MVB12B: variants seen among roughly 807,000 people sequenced by gnomAD.
MVB12B encodes multivesicular body subunit 12B.
A neutral mutation model predicts 41.6 loss-of-function variants in MVB12B; 16 were observed. The ratio of observed to expected loss-of-function variants is 0.38; its 90% CI spans 0.26 to 0.58. The LOEUF (loss-of-function observed/expected upper bound fraction) is 0.58, where lower values mean the gene tolerates loss of function less well. Among genes scored for constraint, MVB12B ranks in the 20% least tolerant of loss-of-function variants. The pLI, the probability that MVB12B is intolerant of heterozygous loss-of-function variation, is 0.62. For synonymous variants in MVB12B, 133 were observed against 139.7 expected, an observed-to-expected ratio of 0.95 and a Z score of 0.34; for missense variants, 274 against 380.2, an observed-to-expected ratio of 0.72 and a Z score of 2.32.
At chr9:126,396,553 T>C in intron 6 of MVB12B, 2 of 985,496 alleles carry the variant, frequency 2.0e-6, no homozygotes, top group Non-Finnish European at 2.4e-6. Flanking sequence ...TAGGTCTTCC[T>C]GGGCCATCCA....
At chr9:126,471,258 A>G (rs530599866) in intron 7 of MVB12B, among the ~76,000 whole-genome samples, 29 of 152,222 alleles carry the variant, frequency 1.9e-4, no homozygotes, top group African/African-American at 6.5e-4. Context: ...AGTGGGCACA[A>G]TTATCCTCAT....
intron 2 of MVB12B, among the ~76,000 whole-genome samples, chr9:126,371,218 C>T (rs1830327353): frequency 6.6e-6 from 1 of 152,222 alleles, no homozygotes; most frequent in Non-Finnish European, 1.5e-5. Context: ...ATGCTGCTCT[C>T]TGCAGGCTTG....
intron 7 of MVB12B, among the ~76,000 whole-genome samples, chr9:126,433,417 G>A (rs1409840516): frequency 6.7e-6 from 1 of 148,980 alleles, no homozygotes; most frequent in African/African-American, 2.6e-5. Flanking sequence ...TGTGTCTGGG[G>A]GAGCCCTTGG....
intron 2 of MVB12B, among the ~76,000 whole-genome samples, chr9:126,363,602 G>A (rs1267074550): frequency 1.3e-5 from 2 of 152,140 alleles, no homozygotes; most frequent in Non-Finnish European, 2.9e-5. Flanking sequence ...ATTGTCCTCT[G>A]GCTCTCTGTT....
chr9:126,471,207 G>T (rs1833308186), intron 7 of MVB12B, among the ~76,000 whole-genome samples: 1 of 152,230 alleles, frequency 6.6e-6, no homozygotes, highest in Non-Finnish European at 1.5e-5. Context: ...TGGTCAGGCT[G>T]TTCTTTCCTG....
Position 126,386,402 on chromosome 9 carries a change from A to G in MVB12B, c.313-160A>G, listed in dbSNP as rs781091732. Among the ~76,000 whole-genome samples, 29 of 152,210 alleles carry G rather than the reference A, an allele frequency of 1.9e-4. No homozygotes were observed. The highest frequency in any genetic ancestry group is 3.1e-4 in the Non-Finnish European group (21 of 68,036). ...TCCCAGGGGCCACACGAGTCCCTGC[A>G]TAACCACTGGGGACCATTAAGTGTC... On this transcript the variant is annotated intron_variant, in intron 3 of 9. Transcript: ENST00000361171. This position sits in a 1 kb window ranked among gnomAD's most constrained non-coding sequence, Gnocchi z 4.3.
chr9:126,458,209 A>G (rs1004284017), intron 7 of MVB12B, among the ~76,000 whole-genome samples: 14 of 152,300 alleles, frequency 9.2e-5, no homozygotes, highest in African/African-American at 2.6e-4. Flanking sequence ...CTCGCCCACC[A>G]GGTCACACTG....
intron 2 of MVB12B, among the ~76,000 whole-genome samples, chr9:126,357,974 T>C (rs913670269): frequency 1.3e-5 from 2 of 152,198 alleles, no homozygotes; most frequent in Admixed American, 6.5e-5. Context: ...AGATCAATGA[T>C]GTATTTCAAG....
chr9:126,372,054 C>A (rs936661131), intron 2 of MVB12B, among the ~76,000 whole-genome samples: 1 of 152,236 alleles, frequency 6.6e-6, no homozygotes, highest in Non-Finnish European at 1.5e-5. Flanking sequence ...TCCTGCCCCC[C>A]AGTCCCTGGC....
At chr9:126,351,819 T>C (rs574040641) in intron 2 of MVB12B, among the ~76,000 whole-genome samples, 1 of 152,334 alleles carries the variant, frequency 6.6e-6, no homozygotes, top group African/African-American at 2.4e-5. Context: ...TAATATTAGC[T>C]GAAGGTGTTT....
At chr9:126,411,792 T>G (rs1831659894) in intron 6 of MVB12B, among the ~76,000 whole-genome samples, 1 of 152,174 alleles carries the variant, frequency 6.6e-6, no homozygotes, top group East Asian at 1.9e-4. Flanking sequence ...ATAACTGACT[T>G]TCTGTTTTAG....
chr9:126,373,626 G>C (rs1270423147), intron 2 of MVB12B, among the ~76,000 whole-genome samples: 2 of 152,198 alleles, frequency 1.3e-5, no homozygotes, highest in African/African-American at 4.8e-5. Context: ...TGTCTTTTGA[G>C]AGTTTCTCTT....
At chr9:126,474,644 C>T (rs532932574) in intron 7 of MVB12B, among the ~76,000 whole-genome samples, 29 of 152,290 alleles carry the variant, frequency 1.9e-4, no homozygotes, top group African/African-American at 6.5e-4. Flanking sequence ...AAAACATGTG[C>T]AGACATTTGA....
chr9:126,362,710 C>T (rs1227388877), intron 2 of MVB12B, among the ~76,000 whole-genome samples: 1 of 152,218 alleles, frequency 6.6e-6, no homozygotes, highest in Non-Finnish European at 1.5e-5. Flanking sequence ...TTAATTTTTA[C>T]ATCGTACAAA....
chr9:126,426,440 T>C (rs1329107367), intron 7 of MVB12B, among the ~76,000 whole-genome samples: 1 of 152,188 alleles, frequency 6.6e-6, no homozygotes, highest in Non-Finnish European at 1.5e-5. Flanking sequence ...CGGGTCATGT[T>C]GATTTCTCTA....
chr9:126,429,696 T>C (rs1413697683), intron 7 of MVB12B, among the ~76,000 whole-genome samples: 1 of 152,208 alleles, frequency 6.6e-6, no homozygotes, highest in Non-Finnish European at 1.5e-5. Context: ...AGTGCAAATA[T>C]TCATGTAGGC....
At chr9:126,413,181 A>T (rs11496601) in intron 6 of MVB12B, among the ~76,000 whole-genome samples, 77,473 of 152,210 alleles carry the variant, frequency 0.51, 20,048 homozygotes, top group South Asian at 0.61. Flanking sequence ...AGTCAGACAT[A>T]GTAACATTAT....
At chr9:126,360,542 A>T (rs902037431) in intron 2 of MVB12B, among the ~76,000 whole-genome samples, 3 of 152,168 alleles carry the variant, frequency 2.0e-5, no homozygotes, top group African/African-American at 7.2e-5. Context: ...AAAAGAATGT[A>T]TATTCTTCTT....
chr9:126,482,895 T>G (rs766529161), intron 8 of MVB12B, among the ~76,000 whole-genome samples: 28 of 152,324 alleles, frequency 1.8e-4, no homozygotes, highest in Non-Finnish European at 3.5e-4. Flanking sequence ...GCAGCCCCAC[T>G]ACGGGGGCCG....
Sources: gnomAD v4.1 joint callset for allele counts (sites outside exome capture counted in the v4.1 genomes callset) on GRCh38, gnomAD v4.1.1 for gene constraint, Gnocchi (gnomAD v3.1) non-coding constraint, MANE v1.5 for transcripts, NCBI Gene and HGNC (gene_info 2026-07-23, HGNC 2026-07-21) for gene names.